HSPA4: variants seen among roughly 807,000 people sequenced by gnomAD.
HSPA4 encodes heat shock protein family A (Hsp70) member 4.
A neutral mutation model predicts 106.2 loss-of-function variants in HSPA4; 25 were observed. The observed-to-expected ratio is 0.24, with a 90% confidence interval of 0.17 to 0.33. The LOEUF is 0.33. Ranked by LOEUF, HSPA4 falls within the 10% of genes least tolerant of loss-of-function variation. HSPA4 has a pLI of 1.00. For synonymous variants in HSPA4, 332 were observed against 333.6 expected, an observed-to-expected ratio of 1.00 and a Z score of 0.05; for missense variants, 841 against 996.0, an observed-to-expected ratio of 0.84 and a Z score of 2.10.
rs560869605 is a variant in HSPA4, at chr5:133,058,152, G to A, written c.107+5795G>A. ...CATGCCTGTTATCCCAGCACTTTGG[G>A]AGGCCGAGGCAGGAGGATTGCTTGA... On this transcript the variant is annotated intron_variant, in intron 1 of 18. Transcript: ENST00000304858. Among the ~76,000 whole-genome samples, 8 of 152,318 alleles carry A rather than the reference G, an allele frequency of 5.3e-5. No homozygotes were observed. The South Asian group carries it at 1.7e-3, about 32-fold the overall frequency.
intron 1 of HSPA4, among the ~76,000 whole-genome samples, chr5:133,053,865 G>A (rs1392375145): frequency 1.3e-5 from 2 of 151,368 alleles, no homozygotes. Flanking sequence ...TTGTCGAGTT[G>A]CCCAGGCTGG....
intron 4 of HSPA4, among the ~76,000 whole-genome samples, chr5:133,071,938 C>G (rs1765386978): frequency 6.6e-6 from 1 of 152,156 alleles, no homozygotes; most frequent in African/African-American, 2.4e-5. Context: ...TAGATGTTTC[C>G]TACCTTTCCT....
chr5:133,063,376 C>T (rs898602584), intron 1 of HSPA4, among the ~76,000 whole-genome samples: 1 of 152,046 alleles, frequency 6.6e-6, no homozygotes, highest in Non-Finnish European at 1.5e-5. Context: ...GCTTTGGCCT[C>T]CCAAAACGTT....
At chr5:133,061,590 C>G (rs1765243860) in intron 1 of HSPA4, among the ~76,000 whole-genome samples, 1 of 151,910 alleles carries the variant, frequency 6.6e-6, no homozygotes, top group Non-Finnish European at 1.5e-5. Context: ...GAAATTAAAC[C>G]AAGTCCAGTT....
rs755400405 is a variant in HSPA4, at chr5:133,089,551, C to T, written c.1245-11C>T. 3.1e-6 allele frequency: 5 copies of T among 1,610,060 alleles called. No individual in the cohort carries two copies. Among genetic ancestry groups the T allele is most frequent in the Non-Finnish European group, 3.4e-6 (4 of 1,178,266 alleles). On this transcript the variant is annotated splice_polypyrimidine_tract_variant and intron_variant, in intron 10 of 18. Coordinates refer to ENST00000304858, the MANE Select transcript of HSPA4 (RefSeq NM_002154.4). ...CCTGAATTTGTGTTTTTGTCTTTTT[C>T]CTCCATTCAGTGACTGTGAAGTCTT...
chr5:133,095,987 AT>A, intron 13 of HSPA4, 110 bp from the exon 14 acceptor site: 1 of 816,806 alleles, frequency 1.2e-6, no homozygotes, highest in East Asian at 2.8e-5. Flanking sequence ...TTAGATCATC[AT>A]CAAAAGAGAA....
At chr5:133,084,802 A>G (rs1349214205) in intron 7 of HSPA4, among the ~76,000 whole-genome samples, 1 of 151,952 alleles carries the variant, frequency 6.6e-6, no homozygotes, top group East Asian at 1.9e-4. Flanking sequence ...GTAATTTAAT[A>G]AAGTTACCCA....
intron 1 of HSPA4, among the ~76,000 whole-genome samples, chr5:133,059,186 G>A (rs1448441497): frequency 6.8e-6 from 1 of 147,326 alleles, no homozygotes; most frequent in Non-Finnish European, 1.5e-5. Context: ...GGTGGCTCGT[G>A]CCTGTAATCC....
Position 133,080,345 on chromosome 5 carries a change from G to A in HSPA4, c.908+3447G>A, listed in dbSNP as rs1205873890. 3.5e-5 allele frequency among the ~76,000 whole-genome samples: 5 copies of A among 143,918 alleles called. No homozygotes were observed. In the South Asian group the frequency reaches 6.5e-4, roughly 19 times the overall value. 94.4% of individuals were successfully genotyped at this position (143,918 alleles called of 152,430 possible). A position where few individuals can be genotyped will look rare whatever the true frequency, so the allele number is the denominator to read the frequency against. On this transcript the variant is annotated intron_variant, in intron 7 of 18. Transcript: ENST00000304858. Reference sequence around the variant, plus strand: ...TGGGAGGATCACCTGAGCTTAGTAAGTCGAGGCTGCAGCGAACCATGATCA... The same window carrying A: ...TGGGAGGATCACCTGAGCTTAGTAAATCGAGGCTGCAGCGAACCATGATCA...
chr5:133,068,321 CTG>C (rs963753748), intron 3 of HSPA4, among the ~76,000 whole-genome samples: 13 of 152,076 alleles, frequency 8.5e-5, no homozygotes, highest in African/African-American at 2.7e-4. Flanking sequence ...AGTGGAGTCT[CTG>C]TGAAGTATGC....
intron 9 of HSPA4, 48 bp downstream of exon 9, chr5:133,088,603 A>G: frequency 6.6e-7 from 1 of 1,509,248 alleles, no homozygotes; most frequent in Non-Finnish European, 9.2e-7. Context: ...TCATTGTAAC[A>G]AGATGGCAGT....
chr5:133,073,498 G>A (rs1451487794), intron 5 of HSPA4, among the ~76,000 whole-genome samples, 169 bp downstream of exon 5: 1 of 152,228 alleles, frequency 6.6e-6, no homozygotes, highest in African/African-American at 2.4e-5. Flanking sequence ...GAATTAATCT[G>A]ACCAGTGCTT....
chr5:133,063,968 G>C (rs1161605014), intron 1 of HSPA4, among the ~76,000 whole-genome samples: 14 of 151,798 alleles, frequency 9.2e-5, no homozygotes, highest in Non-Finnish European at 2.9e-5. Context: ...CACCATGTTG[G>C]CCTGGCTAGT....
chr5:133,097,912 T>TG (rs563188211), intron 15 of HSPA4, among the ~76,000 whole-genome samples: 6 of 127,614 alleles, frequency 4.7e-5, no homozygotes, highest in African/African-American at 1.3e-4. Context: ...GAATTTTTAG[T>TG]TTTTTTTTTT....
At chr5:133,059,105 G>T (rs1765203720) in intron 1 of HSPA4, among the ~76,000 whole-genome samples, 1 of 151,172 alleles carries the variant, frequency 6.6e-6, no homozygotes, top group Non-Finnish European at 1.5e-5. Flanking sequence ...TCCAGCCTGG[G>T]TGACAGAGTG....
At chr5:133,079,823 C>A (rs1033836737) in intron 7 of HSPA4, among the ~76,000 whole-genome samples, 1 of 152,132 alleles carries the variant, frequency 6.6e-6, no homozygotes, top group African/African-American at 2.4e-5. Flanking sequence ...TGTGTTAATT[C>A]ATCGTTTTGA....
intron 7 of HSPA4, among the ~76,000 whole-genome samples, chr5:133,085,489 T>TGAAAAAAA (rs1554089513): frequency 9.1e-6 from 1 of 110,288 alleles, no homozygotes; most frequent in African/African-American, 5.0e-5. Flanking sequence ...CCATCTCTAC[T>TGAAAAAAA]AAAAAAAAAA....
Position 133,086,241 on chromosome 5 carries a change from CTG to C in HSPA4, c.909-539_909-538del, listed in dbSNP as rs1765577061. 2.6e-5 allele frequency among the ~76,000 whole-genome samples: 4 copies of C among 151,130 alleles called. 1 individual carries two copies. In the South Asian group the frequency reaches 8.3e-4, roughly 31 times the overall value. On this transcript the variant is annotated intron_variant, in intron 7 of 18. Transcript: ENST00000304858. Reference sequence around the variant, plus strand: ...AAAACAAACAAACAAAAAACAAACTCTGTACTCATTAGGTGTCCTTCCCATCT... The same window carrying C: ...AAAACAAACAAACAAAAAACAAACTCTACTCATTAGGTGTCCTTCCCATCT...
chr5:133,076,613 G>A, intron 6 of HSPA4, 41 bp from the exon 7 acceptor site: 2 of 1,569,086 alleles, frequency 1.3e-6, no homozygotes, highest in East Asian at 2.3e-5. Context: ...TTTCAAAATC[G>A]ATTGGTTAAT....
Sources: allele counts gnomAD v4.1 joint callset (sites outside exome capture counted in the v4.1 genomes callset), GRCh38; gene constraint gnomAD v4.1.1; transcripts MANE v1.5; gene names NCBI Gene and HGNC (gene_info 2026-07-23, HGNC 2026-07-21).